Variants in TAS1R2 observed in about 807,000 individuals in gnomAD.
TAS1R2 encodes the protein taste receptor type 1 member 2.
Under a neutral mutation model 49.3 loss-of-function variants are expected in TAS1R2, and 47 were observed. The observed-to-expected ratio is 0.95, with a 90% CI of 0.75 to 1.22. The LOEUF (loss-of-function observed/expected upper bound fraction) is 1.22. Ranked by LOEUF, TAS1R2 falls within the 50% of genes most tolerant of loss-of-function variation. The pLI, the probability that TAS1R2 is intolerant of heterozygous loss-of-function variation, is 0.00. For missense variants in TAS1R2, 1,155 were observed against 1,122.1 expected (o/e 1.03, Z -0.42); for synonymous variants, 479 against 467.9 (o/e 1.02, Z -0.31).
At chr1:18,856,092 C>T (rs774981789) in intron 2 of TAS1R2, among the ~76,000 whole-genome samples, 13 of 152,170 alleles carry the variant, frequency 8.5e-5, no homozygotes, top group Non-Finnish European at 1.5e-4. Context: ...CAGCTCCTAA[C>T]GTCACCCAGG....
rs72953144 is a variant in TAS1R2, at chr1:18,859,599, G to A, written c.62C>T (p.Pro21Leu). ...CAGGTAGAAGTCCGAGTTCTCAGCC[G>A]GCTCAGCCAGGACCCATAGGAGGAA... is the stretch of plus-strand genomic sequence containing the variant. Residue 21 changes from proline to leucine, a missense_variant, in exon 1 of 6, where the codon CCG (proline) becomes CTG (leucine). Transcript: ENST00000375371. The A allele has an allele frequency of 3.7e-3, 5,926 of 1,614,210 alleles. 183 individuals are homozygous for A. In the African/African-American group the frequency reaches 0.066, roughly 18 times the overall value.
intron 4 of TAS1R2, 132 bp from the exon 5 acceptor site, chr1:18,841,984 GA>G (rs35542368): frequency 0.092 from 31,220 of 340,066 alleles, 465 homozygotes; most frequent in South Asian, 0.19. Context: ...GGAAACTGTA[GA>G]AAAAAAAAAA....
chr1:18,841,939 G>T, intron 4 of TAS1R2, 87 bp from the exon 5 acceptor site: 1 of 1,434,990 alleles, frequency 7.0e-7, no homozygotes, highest in East Asian at 2.5e-5. Context: ...GGATGTTCAG[G>T]GGAGGAAGCC....
intron 4 of TAS1R2, 84 bp downstream of exon 4, chr1:18,849,257 C>A: frequency 1.4e-6 from 2 of 1,419,054 alleles, no homozygotes; most frequent in South Asian, 1.2e-5. Context: ...AGGCTCTGTC[C>A]CTAATGAAAA....
At chr1:18,859,044 G>A (rs754457780) in intron 1 of TAS1R2, among the ~76,000 whole-genome samples, 12 of 152,202 alleles carry the variant, frequency 7.9e-5, no homozygotes, top group South Asian at 2.1e-4. Context: ...CTTCCCTCTC[G>A]GCCCAAAAGC....
intron 4 of TAS1R2, 60 bp from the exon 5 acceptor site, chr1:18,841,912 C>A: frequency 6.6e-7 from 1 of 1,506,556 alleles, no homozygotes; most frequent in South Asian, 1.3e-5. Flanking sequence ...GGGGCCCCCT[C>A]CCCTCTCCAA....
At chr1:18,852,780 T>C (rs1934055979) in intron 3 of TAS1R2, among the ~76,000 whole-genome samples, 1 of 152,206 alleles carries the variant, frequency 6.6e-6, no homozygotes, top group Non-Finnish European at 1.5e-5. Context: ...CACTCCCTAC[T>C]TCAGTCCTGC....
chr1:18,853,769 T>A (rs1429548970), intron 3 of TAS1R2, among the ~76,000 whole-genome samples: 1 of 151,982 alleles, frequency 6.6e-6, no homozygotes, highest in African/African-American at 2.4e-5. Flanking sequence ...TGGTGGGAGG[T>A]CTCTGTGTGT....
intron 4 of TAS1R2, 81 bp downstream of exon 4, chr1:18,849,260 A>G (rs920095379): frequency 9.7e-6 from 14 of 1,436,940 alleles, no homozygotes; most frequent in Admixed American, 3.6e-5. Context: ...CTCTGTCCCT[A>G]ATGAAAAGGG....
intron 4 of TAS1R2, among the ~76,000 whole-genome samples, chr1:18,843,374 A>G (rs1047222707): frequency 6.6e-6 from 1 of 152,208 alleles, no homozygotes; most frequent in Non-Finnish European, 1.5e-5. Flanking sequence ...AGGAGGCCAA[A>G]GGTACAGAGA....
intron 3 of TAS1R2, 22 bp from the exon 4 acceptor site, chr1:18,849,572 G>A (rs757229559): frequency 2.5e-6 from 4 of 1,612,368 alleles, no homozygotes; most frequent in African/African-American, 1.3e-5. Flanking sequence ...AGAGGGAAGG[G>A]AAGTGGAGCT....
chr1:18,846,668 G>A (rs1933925959), intron 4 of TAS1R2, among the ~76,000 whole-genome samples: 2 of 152,222 alleles, frequency 1.3e-5, no homozygotes, highest in Admixed American at 6.5e-5. Context: ...TCATCCTGGA[G>A]GAGGGTGGGT....
At chr1:18,844,665 A>G (rs533581148) in intron 4 of TAS1R2, among the ~76,000 whole-genome samples, 1 of 152,262 alleles carries the variant, frequency 6.6e-6, no homozygotes, top group South Asian at 2.1e-4. Flanking sequence ...GGGGCAGGAG[A>G]ATCTCTTGAT....
rs762498954 is a variant in TAS1R2, at chr1:18,839,751, T to C, written c.2368A>G (p.Ile790Val). 86 of 1,614,078 alleles carry C rather than the reference T, an allele frequency of 5.3e-5. No individual in the cohort carries two copies. Among genetic ancestry groups the C allele is most frequent in the Middle Eastern group, 4.9e-4 (3 of 6,084 alleles). ...AGCACAGTGACCAAGAGGTCCACGATGGTGACCAGCACCCCGCTGTAGGCA... is the reference window on the plus strand; with the variant it reads ...AGCACAGTGACCAAGAGGTCCACGACGGTGACCAGCACCCCGCTGTAGGCA... Residue 790 changes from isoleucine (I) to valine (V), a missense_variant, in exon 6 of 6, where the codon ATC becomes GTC. Ile to Val is a conservative substitution (Grantham distance 29). Coordinates refer to ENST00000375371, the Ensembl canonical transcript of TAS1R2.
At chr1:18,845,138 T>G (rs186233458) in intron 4 of TAS1R2, among the ~76,000 whole-genome samples, 4 of 152,276 alleles carry the variant, frequency 2.6e-5, no homozygotes, top group African/African-American at 9.6e-5. Flanking sequence ...AGCAAATGAT[T>G]TATTGATGCA....
rs1454592927 is a variant in TAS1R2, at chr1:18,846,844, G to A, written c.1467+2497C>T. Among the ~76,000 whole-genome samples, 7 of 152,236 alleles carry A rather than the reference G, an allele frequency of 4.6e-5. No homozygotes were observed. The East Asian group carries it at 1.3e-3, about 29-fold the overall frequency. The stretch of plus-strand genomic sequence containing the variant: ...CCCAGCGTTGGAGGTGAGTCCTGGT[G>A]GGAGGTGATTGGATCATGGGGATAG... On this transcript the variant is annotated intron_variant, in intron 4 of 5. Coordinates refer to ENST00000375371, the Ensembl canonical transcript of TAS1R2.
chr1:18,854,318 G>C lies in TAS1R2; in HGVS notation c.1152C>G (p.Val384=), dbSNP rs767609749. 2.5e-6 allele frequency: 4 copies of C among 1,614,078 alleles called. No individual in the cohort carries two copies. Among genetic ancestry groups the C allele is most frequent in the Non-Finnish European group, 3.4e-6 (4 of 1,179,970 alleles). ...AGACCGCAGAGTACACGCTGTAGAC[G>C]ACACGCTCCCCAGAGAGCCTGAGAA... The change falls in exon 3 of 6, where the codon GTC becomes GTG. Residue 384 remains valine (V), a synonymous_variant. Coordinates refer to ENST00000375371, the Ensembl canonical transcript of TAS1R2. This position sits in a 1 kb window ranked among gnomAD's most constrained non-coding sequence, Gnocchi z 4.9.
chr1:18,857,849 C>T (rs1222561060), intron 1 of TAS1R2, among the ~76,000 whole-genome samples: 1 of 152,114 alleles, frequency 6.6e-6, no homozygotes, highest in Non-Finnish European at 1.5e-5. Context: ...TACTGTTATC[C>T]ATGTGGCCAT....
At chr1:18,844,676 C>T (rs116427193) in intron 4 of TAS1R2, among the ~76,000 whole-genome samples, 7,567 of 152,156 alleles carry the variant, frequency 0.05, 514 homozygotes, top group African/African-American at 0.15. Context: ...ATCTCTTGAT[C>T]CCTGGGGGCG....
Sources: gnomAD v4.1 joint callset for allele counts (sites outside exome capture counted in the v4.1 genomes callset) on GRCh38, gnomAD v4.1.1 for gene constraint, Gnocchi (gnomAD v3.1) non-coding constraint, MANE v1.5 for transcripts, NCBI Gene and HGNC (gene_info 2026-07-23, HGNC 2026-07-21) for gene names.